VPS13A: variants seen among roughly 807,000 people sequenced by gnomAD.
VPS13A encodes vacuolar protein sorting 13 homolog A.
In VPS13A, 264 loss-of-function variants were observed where a neutral mutation model predicts 390.9. The observed-to-expected ratio is 0.68, with a 90% CI of 0.61 to 0.75. The LOEUF is 0.75. Ranked by LOEUF, VPS13A falls within the 30% of genes least tolerant of loss-of-function variation. The pLI, the probability that VPS13A is intolerant of heterozygous loss-of-function variation, is 0.00. For synonymous variants in VPS13A, 1,231 were observed against 1,227.1 expected (o/e 1.00, Z -0.07); for missense variants, 3,409 against 3,733.9 (o/e 0.91, Z 2.27).
At chr9:77,301,080 G>A (rs922378881) in intron 33 of VPS13A, among the ~76,000 whole-genome samples, 1 of 152,180 alleles carries the variant, frequency 6.6e-6, no homozygotes, top group Non-Finnish European at 1.5e-5. Flanking sequence ...CATATATTGG[G>A]TAGTACTGAT....
chr9:77,313,272 C>G (rs1173594950), intron 35 of VPS13A, among the ~76,000 whole-genome samples: 1 of 152,100 alleles, frequency 6.6e-6, no homozygotes, highest in African/African-American at 2.4e-5. Context: ...AATTGGCTAG[C>G]AAGTGTTAAG....
intron 25 of VPS13A, 120 bp downstream of exon 25, chr9:77,275,772 A>T: frequency 8.2e-7 from 1 of 1,215,950 alleles, no homozygotes; most frequent in Non-Finnish European, 1.2e-6. Flanking sequence ...AAGTAATTCC[A>T]GACTTGCTGT....
intron 45 of VPS13A, among the ~76,000 whole-genome samples, chr9:77,331,440 T>A (rs1179164344): frequency 6.6e-6 from 1 of 152,080 alleles, no homozygotes; most frequent in East Asian, 1.9e-4. Context: ...ATGAATATAA[T>A]TTGTATTTTC....
intron 3 of VPS13A, 34 bp downstream of exon 3, chr9:77,201,441 C>T (rs780864964): frequency 3.2e-6 from 5 of 1,541,672 alleles, no homozygotes; most frequent in East Asian, 4.5e-5. Flanking sequence ...TATCCTCCTT[C>T]CTGGACATGC....
chr9:77,238,089 A>G lies in VPS13A; in HGVS notation c.1683A>G (p.Ala561=), dbSNP rs777028557. 6 of 1,613,514 alleles carry G rather than the reference A, an allele frequency of 3.7e-6. No individual in the cohort carries two copies. The highest frequency in any genetic ancestry group is 1.7e-5 in the Admixed American group (1 of 59,994). ...GCCTCCTGTCTTCATTGGATGATGC[A>G]ATGTCACTTTTCCAAATTACATTTG... ...KPRLLSSLDD[A]MSLFQITFEI... Residue 561 remains alanine (A), a synonymous_variant, in exon 18 of 72, where the codon GCA becomes GCG. Transcript: ENST00000360280.
At chr9:77,353,357 G>A (rs1312130314) in intron 53 of VPS13A, 52 bp from the exon 54 acceptor site, 2 of 1,387,758 alleles carry the variant, frequency 1.4e-6, no homozygotes, top group African/African-American at 1.5e-5. Context: ...TGTTCTTTGG[G>A]ACCAAATTCT....
chr9:77,353,376 G>GTT, intron 53 of VPS13A, 33 bp from the exon 54 acceptor site: 1 of 1,257,452 alleles, frequency 8.0e-7, no homozygotes, highest in South Asian at 1.3e-5. Context: ...CTAATTTTTT[G>GTT]GTTTTTTTTT....
chr9:77,397,383 T>C (rs1336864021), intron 68 of VPS13A, among the ~76,000 whole-genome samples: 1 of 152,184 alleles, frequency 6.6e-6, no homozygotes, highest in African/African-American at 2.4e-5. Flanking sequence ...CAGATATTGA[T>C]TAGATTTTGG....
intron 46 of VPS13A, among the ~76,000 whole-genome samples, chr9:77,334,237 A>G (rs937697959): frequency 6.6e-6 from 1 of 152,304 alleles, no homozygotes; most frequent in East Asian, 1.9e-4. Flanking sequence ...AATTTGAAAG[A>G]TAAGTTCACA....
At chr9:77,177,827 TC>T in intron 1 of VPS13A, 23 bp downstream of exon 1, 1 of 1,591,032 alleles carries the variant, frequency 6.3e-7, no homozygotes. Flanking sequence ...CCGCCGCCGC[TC>T]CCCGGCCTCT....
chr9:77,306,912 T>TTA (rs1281135880), intron 34 of VPS13A, among the ~76,000 whole-genome samples: 3 of 146,006 alleles, frequency 2.1e-5, no homozygotes, highest in Admixed American at 6.8e-5. Context: ...GGCTCTTTAT[T>TTA]TTTTTTTTTT....
In VPS13A at chr9:77,213,307, A is replaced by G; in HGVS notation, c.689A>G (p.Asn230Ser). The G allele has an allele frequency of 1.9e-6, 3 of 1,612,224 alleles. No homozygotes were observed. Among genetic ancestry groups the G allele is most frequent in the Non-Finnish European group, 2.5e-6 (3 of 1,178,940 alleles). ...ATGTTTTATCTTAGTGATTATGATA[A>G]CTCCTTGGTAAGTAAATTTTTTCTG... ...SQMFYLSDYD[N>S]SLDDLKNGIV... The change falls in exon 9 of 72, where the codon AAC becomes AGC. Residue 230 changes from asparagine to serine, a missense_variant. Asn to Ser is a conservative substitution (Grantham distance 46). This residue lies in a region of VPS13A where 2,717 missense variants were observed against 2,917.4 expected (regional missense o/e 0.93). Transcript: ENST00000360280.
intron 68 of VPS13A, among the ~76,000 whole-genome samples, chr9:77,394,528 AC>A (rs1451692757): frequency 1.3e-5 from 2 of 152,078 alleles, no homozygotes; most frequent in Non-Finnish European, 2.9e-5. Context: ...AAACAGCAAG[AC>A]CATGTCTCTA....
At chr9:77,321,040 A>C in intron 42 of VPS13A, 129 bp from the exon 43 acceptor site, 1 of 817,300 alleles carries the variant, frequency 1.2e-6, no homozygotes, top group South Asian at 1.8e-5. Context: ...AATTTCAATA[A>C]GGCAATAGAA....
intron 71 of VPS13A, among the ~76,000 whole-genome samples, chr9:77,412,262 G>T (rs1033696984): frequency 1.3e-5 from 2 of 152,186 alleles, no homozygotes; most frequent in African/African-American, 4.8e-5. Flanking sequence ...GCATCATCCT[G>T]ATACCAAAGC....
chr9:77,287,022 A>G (rs796435190), intron 31 of VPS13A, among the ~76,000 whole-genome samples: 3 of 152,004 alleles, frequency 2.0e-5, no homozygotes, highest in African/African-American at 7.2e-5. Context: ...TCGGAGAGGA[A>G]CAGTCATATA....
intron 71 of VPS13A, among the ~76,000 whole-genome samples, chr9:77,414,669 A>G (rs918506270): frequency 6.6e-6 from 1 of 151,860 alleles, no homozygotes; most frequent in African/African-American, 2.4e-5. Context: ...CAGCACACCA[A>G]CATGGCACAT....
chr9:77,302,763 TAAAA>T (rs747408809), intron 33 of VPS13A, 148 bp from the exon 34 acceptor site: 3 of 789,802 alleles, frequency 3.8e-6, no homozygotes, highest in African/African-American at 3.5e-5. Context: ...TTTTGACAGA[TAAAA>T]AAAAAGTCTG....
chr9:77,380,876 G>T (rs557482709), intron 67 of VPS13A, among the ~76,000 whole-genome samples: 1 of 152,290 alleles, frequency 6.6e-6, no homozygotes, highest in African/African-American at 2.4e-5. Context: ...ATGAGAATCT[G>T]ATGCCGCTGC....
Sources: allele counts gnomAD v4.1 joint callset (sites outside exome capture counted in the v4.1 genomes callset), GRCh38; gene constraint gnomAD v4.1.1; regional missense constraint gnomAD v4.1.1; transcripts MANE v1.5; gene names NCBI Gene and HGNC (gene_info 2026-07-23, HGNC 2026-07-21).